The following SZT2 variants were observed in gnomAD, a reference collection of about 807,000 sequenced individuals.
SZT2 encodes SZT2 subunit of KICSTOR complex.
In SZT2, 216 loss-of-function variants were observed where a neutral mutation model predicts 404.2. The ratio of observed to expected loss-of-function variants is 0.53; its 90% CI spans 0.48 to 0.60. The LOEUF (loss-of-function observed/expected upper bound fraction) is 0.60, where lower values mean the gene tolerates loss of function less well. SZT2 is among the 20% of genes least tolerant of loss of function. The probability of loss-of-function intolerance (pLI) is 0.00; values close to 1 mark genes in which losing one functional copy is unlikely to be tolerated. For synonymous variants in SZT2, 1,693 were observed against 1,749.9 expected (o/e 0.97, Z 0.81); for missense variants, 3,857 against 4,459.2 (o/e 0.86, Z 3.85).
At position 43,424,296 on chromosome 1, in the gene SZT2, G is replaced by A. The variant is rs1222885572; in HGVS notation, c.2335G>A (p.Gly779Ser). ...EPPGPLPLVS[G>S]RSASSSLASL... ...ACCAGGTCCACTGCCCTTGGTGTCA[G>A]GCCGCTCAGCCTCTTCTAGCCTGGC... Residue 779 changes from glycine (G) to serine (S), a missense_variant, in exon 16 of 72, where the codon GGC becomes AGC. Gly to Ser is a moderately conservative substitution (Grantham distance 56). Transcript: ENST00000634258. The surrounding 1 kb of genome is among the most constrained non-coding windows in gnomAD (Gnocchi z 4.1). 6.3e-7 allele frequency: 1 copy of A among 1,597,972 alleles called. No individual in the cohort carries two copies. The highest frequency in any genetic ancestry group is 8.5e-7 in the Non-Finnish European group (1 of 1,179,564).
chr1:43,441,892 C>T lies in SZT2; in HGVS notation c.7742+74C>T, dbSNP rs1466439274. 4.4e-6 allele frequency: 7 copies of T among 1,598,564 alleles called. No homozygotes were observed. In the African/African-American group the frequency reaches 5.4e-5, roughly 12 times the overall value. Reference sequence around the variant, plus strand: ...AAAGCTGGGCCTACAGGAAGCCAAACCTGAGGAAGCTGAGCTAGGAGAGGT... The same window carrying T: ...AAAGCTGGGCCTACAGGAAGCCAAATCTGAGGAAGCTGAGCTAGGAGAGGT... On this transcript the variant is annotated intron_variant, in intron 55 of 71. Transcript: ENST00000634258. This position sits in a 1 kb window ranked among gnomAD's most constrained non-coding sequence, Gnocchi z 4.8.
At chr1:43,399,205 T>C (rs1015377783) in intron 1 of SZT2, among the ~76,000 whole-genome samples, 4 of 152,264 alleles carry the variant, frequency 2.6e-5, no homozygotes, top group African/African-American at 9.6e-5. Context: ...CACCAGTTCT[T>C]TTCTGTCCTA....
chr1:43,426,234 C>A lies in SZT2; in HGVS notation c.3043+83C>A. On this transcript the variant is annotated intron_variant, in intron 21 of 71. Transcript: ENST00000634258. This position sits in a 1 kb window ranked among gnomAD's most constrained non-coding sequence, Gnocchi z 4.9. ...ATTAGAAAATAACAAACAGATGGGTCAGCAAGTGAGCAGATGAGTGGTGGG... is the reference window on the plus strand; with the variant it reads ...ATTAGAAAATAACAAACAGATGGGTAAGCAAGTGAGCAGATGAGTGGTGGG... The A allele has an allele frequency of 6.6e-7, 1 of 1,523,826 alleles. No individual in the cohort carries two copies. The highest frequency in any genetic ancestry group is 1.2e-5 in the South Asian group (1 of 83,056). The allele number at this position is 1,523,826 out of a possible 1,614,324, so 94.4% of individuals were successfully genotyped here.
rs1275485212 is a variant in SZT2, at chr1:43,426,520, C to T, written c.3196C>T (p.Arg1066Trp). Residue 1066 changes from arginine to tryptophan, a missense_variant, in exon 22 of 72, where the codon CGG (arginine) becomes TGG (tryptophan). Arg to Trp is a moderately radical substitution (Grantham distance 101, BLOSUM62 -3). This residue lies in a region of SZT2 where 1,725 missense variants were observed against 1,881.0 expected (regional missense o/e 0.92). Transcript: ENST00000634258. This position sits in a 1 kb window ranked among gnomAD's most constrained non-coding sequence, Gnocchi z 4.9. ...QAAFLSEVLR[R>W]TCHVPGAEGP... ...TGCCTTCTTGAGTGAGGTGCTGCGG[C>T]GGACCTGCCACGTTCCAGGTGAGTT... 16 of 1,583,684 alleles carry T rather than the reference C, an allele frequency of 1.0e-5. No homozygotes were observed. In the Middle Eastern group the frequency reaches 6.6e-4, roughly 65 times the overall value.
At position 43,430,293 on chromosome 1, in the gene SZT2, C is replaced by T. The variant is rs774151902; in HGVS notation, c.4402-18C>T. On this transcript the variant is annotated intron_variant, in intron 30 of 71. Transcript: ENST00000634258. Reference sequence around the variant, plus strand: ...GTGGGATTCTTGCCTCATCATCTTGCTTCATTCTTTTGCCTAGGATGAGGG... The same window carrying T: ...GTGGGATTCTTGCCTCATCATCTTGTTTCATTCTTTTGCCTAGGATGAGGG... 6 of 1,613,568 alleles carry T rather than the reference C, an allele frequency of 3.7e-6. No individual in the cohort carries two copies. The highest frequency in any genetic ancestry group is 2.2e-5 in the South Asian group (2 of 91,042).
chr1:43,437,332 T>C lies in SZT2; in HGVS notation c.6187+9T>C. ...CATGGGGGTCTCTCGGGGTATGTGA[T>C]TGGCATGAGAGGGCAGGTGAGCATT... On this transcript the variant is annotated intron_variant, in intron 43 of 71. Transcript: ENST00000634258. This position sits in a 1 kb window ranked among gnomAD's most constrained non-coding sequence, Gnocchi z 5.3. 1.2e-6 allele frequency: 2 copies of C among 1,614,140 alleles called. No homozygotes were observed. Among genetic ancestry groups the C allele is most frequent in the Non-Finnish European group, 1.7e-6 (2 of 1,180,016 alleles).
intron 1 of SZT2, chr1:43,394,130 CA>C: frequency 1.0e-6 from 1 of 969,394 alleles, no homozygotes; most frequent in Non-Finnish European, 1.2e-6. Context: ...AGAACTAATT[CA>C]GGGATTCTCA....
At chr1:43,447,421 T>A (rs751907557) in intron 66 of SZT2, 124 bp from the exon 67 acceptor site, 1 of 1,355,704 alleles carries the variant, frequency 7.4e-7, no homozygotes, top group African/African-American at 1.4e-5. Flanking sequence ...CAGGAGCTCC[T>A]AAGGAAAGCA....
intron 42 of SZT2, chr1:43,436,918 G>C: frequency 1.9e-6 from 1 of 533,492 alleles, no homozygotes; most frequent in Admixed American, 3.4e-5. Flanking sequence ...TGCCTGCCTT[G>C]ATACCTCTCA....
rs1655297021 is a variant in SZT2 at position 43,443,400 on chromosome 1, T to TGAA, written c.8549_8550insAAG (p.Cys2850delinsTer). ...GCAGTCATCCCGCCTGGTGCATTAC[T>TGAA]GTGCAACAGCCATGCTCTTCGACCC... On this transcript the variant is annotated stop_gained, in exon 61 of 72. Coordinates refer to ENST00000634258, the MANE Select transcript of SZT2 (RefSeq NM_001365999.1). LOFTEE classifies it high-confidence loss of function. 6.2e-7 allele frequency: 1 copy of TGAA among 1,614,078 alleles called. No individual in the cohort carries two copies. Among genetic ancestry groups the TGAA allele is most frequent in the African/African-American group, 1.3e-5 (1 of 74,938 alleles).
At position 43,442,493 on chromosome 1, in the gene SZT2, C is replaced by A; in HGVS notation, c.8026C>A (p.Arg2676=). ...WAPDLGAALG[R]ALVRLVQWQN... is the part of the protein sequence containing the mutation. The stretch of plus-strand genomic sequence containing the variant: ...TCCAGACCTGGGGGCAGCATTGGGC[C>A]GAGCGCTGGTTCGCCTGGTGCAGTG... The change falls in exon 58 of 72, where the codon CGA becomes AGA. Residue 2676 remains arginine, a synonymous_variant. Coordinates refer to ENST00000634258, the MANE Select transcript of SZT2 (RefSeq NM_001365999.1). The surrounding 1 kb of genome is among the most constrained non-coding windows in gnomAD (Gnocchi z 4.5). 1 of 1,614,120 alleles carries A rather than the reference C, an allele frequency of 6.2e-7. No individual in the cohort carries two copies. The highest frequency in any genetic ancestry group is 8.5e-7 in the Non-Finnish European group (1 of 1,179,992).
chr1:43,424,173 G>A lies in SZT2; in HGVS notation c.2256-44G>A. 3 of 1,549,286 alleles carry A rather than the reference G, an allele frequency of 1.9e-6. No homozygotes were observed. The highest frequency in any genetic ancestry group is 1.8e-5 in the Admixed American group (1 of 56,964). On this transcript the variant is annotated intron_variant, in intron 15 of 71. Transcript: ENST00000634258. This position sits in a 1 kb window ranked among gnomAD's most constrained non-coding sequence, Gnocchi z 4.1. Reference sequence around the variant, plus strand: ...CAGAGGTGTGGAAGGGCGTGGCTTAGCCGGGGATGAGAGAGATAGCTGGGG... The same window carrying A: ...CAGAGGTGTGGAAGGGCGTGGCTTAACCGGGGATGAGAGAGATAGCTGGGG...
intron 52 of SZT2, 74 bp downstream of exon 52, chr1:43,440,660 TTCCCA>T: frequency 1.4e-6 from 2 of 1,466,882 alleles, no homozygotes; most frequent in Non-Finnish European, 1.8e-6. Context: ...TCCCTCCTGC[TTCCCA>T]GTCCCCCATA....
rs1429283086 is a variant in SZT2 at position 43,424,755 on chromosome 1, G to A, written c.2472-29G>A. Reference sequence around the variant, plus strand: ...CAGTGTCTCTTCTTCCCTTATCCTGGCCTTGCCCCGGCCTTTATGGGGCTT... The same window carrying A: ...CAGTGTCTCTTCTTCCCTTATCCTGACCTTGCCCCGGCCTTTATGGGGCTT... On this transcript the variant is annotated intron_variant, in intron 16 of 71. Coordinates refer to ENST00000634258, the MANE Select transcript of SZT2 (RefSeq NM_001365999.1). This position sits in a 1 kb window ranked among gnomAD's most constrained non-coding sequence, Gnocchi z 4.1. 3 of 1,599,668 alleles carry A rather than the reference G, an allele frequency of 1.9e-6. No individual in the cohort carries two copies. The highest frequency in any genetic ancestry group is 2.6e-6 in the Non-Finnish European group (3 of 1,167,314).
At position 43,451,013 on chromosome 1, in the gene SZT2, C is replaced by T. The variant is rs144470687; in HGVS notation, c.*533C>T. On this transcript the variant is annotated 3_prime_UTR_variant, in exon 72 of 72. Transcript: ENST00000634258. ...CTTTGCTCTCGGACCCTGGGTTTCT[C>T]ATCCTTTAATGAGGTGGGTTCAGAA... 1,667 of 769,478 alleles carry T rather than the reference C, an allele frequency of 2.2e-3. 17 individuals are homozygous for T. The African/African-American group carries it at 0.025, about 11-fold the overall frequency. The allele number at this position is 769,478 out of a possible 1,614,324, so 47.7% of individuals were successfully genotyped here.
Position 43,428,375 on chromosome 1 carries a change from G to C in SZT2, c.4055G>C (p.Gly1352Ala), listed in dbSNP as rs1157923829. ...FLLALCGHTW[G>A]LPHAPPSPGP... The stretch of plus-strand genomic sequence containing the variant: ...CTTGCATTGTGTGGCCACACTTGGG[G>C]TTTGCCTCATGCACCCCCAAGTCCT... The change falls in exon 28 of 72, where the codon GGT becomes GCT. Residue 1352 changes from glycine (G) to alanine (A), a missense_variant. Around this residue, in one of 7 missense-constraint regions of SZT2, gnomAD observed 1,725 missense variants for 1,881.0 expected, o/e 0.92. Transcript: ENST00000634258. 6.2e-7 allele frequency: 1 copy of C among 1,614,156 alleles called. No individual in the cohort carries two copies. Among genetic ancestry groups the C allele is most frequent in the Middle Eastern group, 1.6e-4 (1 of 6,062 alleles).
rs2153934644 is a variant in SZT2, at chr1:43,435,193, C to T, written c.5905-7C>T. On this transcript the variant is annotated splice_region_variant and splice_polypyrimidine_tract_variant and intron_variant, in intron 41 of 71. Coordinates refer to ENST00000634258, the MANE Select transcript of SZT2 (RefSeq NM_001365999.1). ...TCAGTTCCCTGACCTCATGCTCCTT[C>T]TCCCAGCGACTGCTTCTTCAAGACC... is the stretch of plus-strand genomic sequence containing the variant. 6.2e-7 allele frequency: 1 copy of T among 1,613,970 alleles called. No individual in the cohort carries two copies. Among genetic ancestry groups the T allele is most frequent in the East Asian group, 2.2e-5 (1 of 44,888 alleles).
Position 43,420,851 on chromosome 1 carries a change from G to T in SZT2, c.1364G>T (p.Arg455Leu). 2 of 1,598,438 alleles carry T rather than the reference G, an allele frequency of 1.3e-6. No homozygotes were observed. Among genetic ancestry groups the T allele is most frequent in the Non-Finnish European group, 1.7e-6 (2 of 1,179,800 alleles). Reference protein sequence around the residue: ...APWPLEPEGPRVTRVEVTMEG... With the variant: ...APWPLEPEGPLVTRVEVTMEG... ...TGGCCCCTGGAGCCTGAGGGCCCTC[G>T]AGTAACACGGGTGGAAGTGACGATG... Residue 455 changes from arginine to leucine, a missense_variant, in exon 10 of 72, where the codon CGA (arginine) becomes CTA (leucine). Arg to Leu is a moderately radical substitution (Grantham distance 102). This residue lies in a region of SZT2 where 536 missense variants were observed against 637.4 expected (regional missense o/e 0.84). Transcript: ENST00000634258. This position sits in a 1 kb window ranked among gnomAD's most constrained non-coding sequence, Gnocchi z 5.1.
chr1:43,450,902 A>G lies in SZT2; in HGVS notation c.*422A>G, dbSNP rs1301696635. 1.3e-6 allele frequency: 1 copy of G among 740,880 alleles called. No homozygotes were observed. The highest frequency in any genetic ancestry group is 2.5e-6 in the Non-Finnish European group (1 of 402,818). The allele number at this position is 740,880 out of a possible 1,614,324, so 45.9% of individuals were successfully genotyped here. A position where few individuals can be genotyped will look rare whatever the true frequency, so the allele number is the denominator to read the frequency against. On this transcript the variant is annotated 3_prime_UTR_variant, in exon 72 of 72. Transcript: ENST00000634258. This position sits in a 1 kb window ranked among gnomAD's most constrained non-coding sequence, Gnocchi z 4.3. ...TCGGGTCTTCACTTCCCACTTGGAC[A>G]TCACTGCTGGACATTCCCATCGAGA...
Sources: gnomAD v4.1 joint callset for allele counts (sites outside exome capture counted in the v4.1 genomes callset) on GRCh38, gnomAD v4.1.1 for gene constraint, gnomAD v4.1.1 regional missense constraint, Gnocchi (gnomAD v3.1) non-coding constraint, MANE v1.5 for transcripts, NCBI Gene and HGNC (gene_info 2026-07-23, HGNC 2026-07-21) for gene names.